Variants in FNDC3B observed in about 807,000 individuals in gnomAD.
FNDC3B encodes the protein fibronectin type III domain containing 3B.
A neutral mutation model predicts 151.5 loss-of-function variants in FNDC3B; 12 were observed. The ratio of observed to expected loss-of-function variants is 0.08; its 90% CI spans 0.05 to 0.13. The LOEUF is 0.13. FNDC3B is among the 10% of genes least tolerant of loss of function. The pLI, the probability that FNDC3B is intolerant of heterozygous loss-of-function variation, is 1.00. For synonymous variants in FNDC3B, 528 were observed against 549.0 expected (o/e 0.96, Z 0.54); for missense variants, 1,214 against 1,505.3 (o/e 0.81, Z 3.20).
chr3:172,097,423 T>C lies in FNDC3B; in HGVS notation c.-28-15029T>C, dbSNP rs117682585. On this transcript the variant is annotated intron_variant, in intron 1 of 25. Transcript: ENST00000415807. Reference sequence around the variant, plus strand: ...TGTGAGACTTGGATAAAACCTGTATTCTTTAGGTCTCTTTGTATGTGGTGG... The same window carrying C: ...TGTGAGACTTGGATAAAACCTGTATCCTTTAGGTCTCTTTGTATGTGGTGG... Among the ~76,000 whole-genome samples the C allele has an allele frequency of 1.4e-4, 22 of 152,358 alleles. No homozygotes were observed. The East Asian group carries it at 4.1e-3, about 28-fold the overall frequency.
At chr3:172,212,405 A>G (rs1725776506) in intron 3 of FNDC3B, among the ~76,000 whole-genome samples, 2 of 152,148 alleles carry the variant, frequency 1.3e-5, no homozygotes, top group Non-Finnish European at 2.9e-5. Flanking sequence ...TTTCCAAGTC[A>G]TTCTTCTGAA....
At chr3:172,081,980 C>T (rs1718301729) in intron 1 of FNDC3B, among the ~76,000 whole-genome samples, 1 of 152,142 alleles carries the variant, frequency 6.6e-6, no homozygotes, top group African/African-American at 2.4e-5. Context: ...CATTTATTTT[C>T]TATGGATGTG....
intron 1 of FNDC3B, 123 bp from the exon 2 acceptor site, chr3:172,112,329 G>A (rs1248418902): frequency 1.5e-6 from 1 of 660,644 alleles, no homozygotes; most frequent in South Asian, 1.7e-5. Flanking sequence ...AATAATACAG[G>A]GCTCTCAAAT....
At chr3:172,162,119 AG>A (rs1391082323) in intron 3 of FNDC3B, among the ~76,000 whole-genome samples, 8 of 151,980 alleles carry the variant, frequency 5.3e-5, no homozygotes, top group Admixed American at 2.0e-4. Flanking sequence ...CTGGGACCAC[AG>A]GCAATGCGCC....
intron 4 of FNDC3B, among the ~76,000 whole-genome samples, chr3:172,239,602 A>G (rs1727364319): frequency 6.6e-6 from 1 of 152,008 alleles, no homozygotes; most frequent in Non-Finnish European, 1.5e-5. Flanking sequence ...CATCTGGGGA[A>G]GCCTTTTTAA....
At chr3:172,181,245 C>G (rs1403452264) in intron 3 of FNDC3B, among the ~76,000 whole-genome samples, 3 of 151,214 alleles carry the variant, frequency 2.0e-5, no homozygotes, top group Non-Finnish European at 4.4e-5. Context: ...ACCAAAAATA[C>G]AAAAATTGGC....
At chr3:172,290,713 G>T (rs1730282990) in intron 7 of FNDC3B, among the ~76,000 whole-genome samples, 1 of 152,216 alleles carries the variant, frequency 6.6e-6, no homozygotes, top group Admixed American at 6.5e-5. Context: ...ATAAACAGTA[G>T]TGCATCTGGG....
chr3:172,136,193 C>T (rs12495903), intron 3 of FNDC3B, among the ~76,000 whole-genome samples: 7 of 152,062 alleles, frequency 4.6e-5, no homozygotes, highest in African/African-American at 1.7e-4. Flanking sequence ...AGTTCCTGTT[C>T]CTGGAGTAAC....
At chr3:172,068,540 C>T (rs966214778) in intron 1 of FNDC3B, among the ~76,000 whole-genome samples, 1 of 151,324 alleles carries the variant, frequency 6.6e-6, no homozygotes, top group African/African-American at 2.4e-5. Context: ...TCTCCTGCCT[C>T]AGCCTGCTGA....
intron 2 of FNDC3B, among the ~76,000 whole-genome samples, chr3:172,124,423 A>G (rs1720707284): frequency 6.6e-6 from 1 of 152,198 alleles, no homozygotes; most frequent in African/African-American, 2.4e-5. Context: ...CTCCATTAAC[A>G]AGGCAGAAAG....
intron 3 of FNDC3B, among the ~76,000 whole-genome samples, chr3:172,186,287 A>G (rs1291514400): frequency 1.3e-5 from 2 of 152,200 alleles, no homozygotes; most frequent in East Asian, 3.8e-4. Context: ...AAAATTTGGG[A>G]TTACAAGTGC....
chr3:172,083,794 TA>T (rs1381858394), intron 1 of FNDC3B, among the ~76,000 whole-genome samples: 3 of 152,152 alleles, frequency 2.0e-5, no homozygotes, highest in African/African-American at 7.2e-5. Flanking sequence ...AAAAAAATAC[TA>T]AAAGAAATCA....
At chr3:172,360,814 ACT>A (rs1734320300) in intron 22 of FNDC3B, among the ~76,000 whole-genome samples, 1 of 151,808 alleles carries the variant, frequency 6.6e-6, no homozygotes, top group Admixed American at 6.6e-5. Flanking sequence ...CTGGTACCAC[ACT>A]CTCTTGATTA....
rs117009495 is a variant in FNDC3B, at chr3:172,231,333, C to T, written c.264+4386C>T. 1.9e-3 allele frequency among the ~76,000 whole-genome samples: 286 copies of T among 152,170 alleles called. 6 individuals carry two copies. The East Asian group carries it at 0.05, about 27-fold the overall frequency. ...GTTAATGGGGTATGCTGTTTCTTTG[C>T]GGAGACGAAAATGTTCTGGAAGTAG... On this transcript the variant is annotated intron_variant, in intron 4 of 25. Coordinates refer to ENST00000415807, the MANE Select transcript of FNDC3B (RefSeq NM_022763.4).
At chr3:172,190,559 A>T (rs1724452067) in intron 3 of FNDC3B, among the ~76,000 whole-genome samples, 1 of 152,196 alleles carries the variant, frequency 6.6e-6, no homozygotes, top group East Asian at 1.9e-4. Context: ...AACTAATTAA[A>T]CCATAATGGT....
intron 3 of FNDC3B, among the ~76,000 whole-genome samples, chr3:172,172,715 A>G (rs1455374347): frequency 1.3e-5 from 2 of 152,200 alleles, no homozygotes; most frequent in East Asian, 3.8e-4. Context: ...AGACATACTG[A>G]TTGATGTTTC....
chr3:172,089,045 A>G (rs1718685035), intron 1 of FNDC3B, among the ~76,000 whole-genome samples: 1 of 152,296 alleles, frequency 6.6e-6, no homozygotes, highest in East Asian at 1.9e-4. Flanking sequence ...TTGTCATGGT[A>G]TTGAATTTCA....
intron 3 of FNDC3B, among the ~76,000 whole-genome samples, chr3:172,203,068 G>T (rs993860938): frequency 3.3e-5 from 5 of 152,124 alleles, no homozygotes; most frequent in Non-Finnish European, 5.9e-5. Context: ...ATTACATGGG[G>T]AGTTCTGTGG....
At chr3:172,154,898 A>G (rs575202777) in intron 3 of FNDC3B, among the ~76,000 whole-genome samples, 3 of 151,934 alleles carry the variant, frequency 2.0e-5, no homozygotes, top group African/African-American at 7.2e-5. Flanking sequence ...CGTGGGAACA[A>G]GTGGGGTGCT....
Sources: allele counts gnomAD v4.1 joint callset (sites outside exome capture counted in the v4.1 genomes callset), GRCh38; gene constraint gnomAD v4.1.1; transcripts MANE v1.5; gene names NCBI Gene and HGNC (gene_info 2026-07-23, HGNC 2026-07-21).